The following VDAC1 variants were observed in gnomAD, a reference collection of about 807,000 sequenced individuals.
VDAC1 encodes the protein voltage dependent anion channel 1.
Under a neutral mutation model 34.7 loss-of-function variants are expected in VDAC1, and 10 were observed. The observed-to-expected ratio is 0.29, with a 90% CI of 0.18 to 0.49. The LOEUF is 0.49. Ranked by LOEUF, VDAC1 falls within the 20% of genes least tolerant of loss-of-function variation. VDAC1 has a pLI of 0.99. For missense variants in VDAC1, 230 were observed against 347.9 expected (o/e 0.66, Z 2.69); for synonymous variants, 130 against 136.0 (o/e 0.96, Z 0.30).
intron 5 of VDAC1, among the ~76,000 whole-genome samples, chr5:133,983,765 C>T (rs781190886): frequency 6.6e-6 from 1 of 152,116 alleles, no homozygotes; most frequent in Non-Finnish European, 1.5e-5. Flanking sequence ...CAGTGTTGGA[C>T]CTGCTGGGTG....
At chr5:134,021,816 C>T in the VDAC1 span, among the ~76,000 whole-genome samples, 1 of 151,938 alleles carries the variant, frequency 6.6e-6, no homozygotes, top group Non-Finnish European at 1.5e-5. Context: ...GGGGCTGGCA[C>T]CTGTATTTTT....
the VDAC1 span, among the ~76,000 whole-genome samples, chr5:134,050,035 G>A: frequency 6.6e-6 from 1 of 152,122 alleles, no homozygotes; most frequent in African/African-American, 2.4e-5. Flanking sequence ...CGGATCATGA[G>A]GTCAAGTGAT....
the VDAC1 span, among the ~76,000 whole-genome samples, chr5:134,067,295 G>A: frequency 6.6e-6 from 1 of 151,550 alleles, no homozygotes; most frequent in Non-Finnish European, 1.5e-5. Flanking sequence ...GGCTGGTCTT[G>A]AACTCTTGAC....
At chr5:134,042,642 C>T in the VDAC1 span, among the ~76,000 whole-genome samples, 1 of 152,164 alleles carries the variant, frequency 6.6e-6, no homozygotes, top group African/African-American at 2.4e-5. Context: ...TACAGGCATG[C>T]ACTACTGTGC....
the VDAC1 span, among the ~76,000 whole-genome samples, chr5:134,018,957 A>T: frequency 3.3e-5 from 5 of 152,130 alleles, no homozygotes; most frequent in Admixed American, 2.6e-4. Context: ...CACTCTCCAT[A>T]TGCCTCCATC....
chr5:134,011,625 T>C, the VDAC1 span, among the ~76,000 whole-genome samples: 4 of 149,502 alleles, frequency 2.7e-5, no homozygotes, highest in African/African-American at 9.8e-5. Flanking sequence ...ATCCCAAGAA[T>C]GTCATCACAA....
At chr5:134,071,260 AGCGGGGGCGGCGCCGT>A in the VDAC1 span, among the ~76,000 whole-genome samples, 2 of 152,224 alleles carry the variant, frequency 1.3e-5, no homozygotes, top group African/African-American at 4.8e-5. This position sits in a 1 kb window ranked among gnomAD's most constrained non-coding sequence, Gnocchi z 4.1. Flanking sequence ...GTGCGGACGC[AGCGGGGGCGGCGCCGT>A]GCGGGAGGGG....
At chr5:134,028,087 A>G in the VDAC1 span, among the ~76,000 whole-genome samples, 1 of 149,200 alleles carries the variant, frequency 6.7e-6, no homozygotes, top group Non-Finnish European at 1.5e-5. Context: ...AGGTATTTCT[A>G]TAGCATTTTA....
At position 133,992,150 on chromosome 5, in the gene VDAC1, C is replaced by T. The variant is rs891839556; in HGVS notation, c.117+156G>A. Among the ~76,000 whole-genome samples the T allele has an allele frequency of 9.2e-5, 14 of 152,182 alleles. No individual in the cohort carries two copies. The East Asian group carries it at 2.7e-3, about 29-fold the overall frequency. ...ACTCGGTAGGCTGAGGTAGGAGAAT[C>T]GCTTGAACCCAAGAAGTGGAGGTTG... On this transcript the variant is annotated intron_variant, in intron 3 of 8. Coordinates refer to ENST00000265333, the MANE Select transcript of VDAC1 (RefSeq NM_003374.3).
chr5:134,000,265 T>C (rs1753493638), intron 1 of VDAC1, among the ~76,000 whole-genome samples: 1 of 152,174 alleles, frequency 6.6e-6, no homozygotes, highest in Non-Finnish European at 1.5e-5. Flanking sequence ...AGCTGTTCTC[T>C]CCCTCCATTC....
At chr5:134,112,046 C>T in the VDAC1 span, among the ~76,000 whole-genome samples, 1 of 149,016 alleles carries the variant, frequency 6.7e-6, no homozygotes, top group Non-Finnish European at 1.5e-5. Flanking sequence ...GTTGTGTAGA[C>T]GATGGTGAAG....
intron 1 of VDAC1, among the ~76,000 whole-genome samples, chr5:133,996,807 T>C (rs1753332754): frequency 6.6e-6 from 1 of 152,188 alleles, no homozygotes; most frequent in African/African-American, 2.4e-5. Context: ...CTCATTACAA[T>C]GCAACCAGGA....
chr5:134,027,562 A>T, the VDAC1 span, among the ~76,000 whole-genome samples: 1 of 152,212 alleles, frequency 6.6e-6, no homozygotes, highest in East Asian at 1.9e-4. Context: ...GGACCAACTT[A>T]AACAAAGAAG....
intron 5 of VDAC1, among the ~76,000 whole-genome samples, chr5:133,981,912 G>C (rs180964917): frequency 3.5e-4 from 53 of 152,316 alleles, no homozygotes; most frequent in African/African-American, 1.2e-3. Flanking sequence ...ACACAGCACT[G>C]TTCACTTCTA....
chr5:134,010,181 A>G, the VDAC1 span, among the ~76,000 whole-genome samples: 1 of 152,166 alleles, frequency 6.6e-6, no homozygotes, highest in African/African-American at 2.4e-5. Flanking sequence ...TAAGACCATC[A>G]TTGTAAGTAT....
At chr5:134,039,506 T>G in the VDAC1 span, among the ~76,000 whole-genome samples, 4 of 89,098 alleles carry the variant, frequency 4.5e-5, no homozygotes, top group Non-Finnish European at 5.5e-5. Flanking sequence ...TTTTTTGTAT[T>G]TTTAGTAGAG....
chr5:134,084,609 C>T, the VDAC1 span, among the ~76,000 whole-genome samples: 1 of 152,266 alleles, frequency 6.6e-6, no homozygotes, highest in East Asian at 1.9e-4. Context: ...CTGTGGTTCC[C>T]ATGGCTAGCC....
the VDAC1 span, among the ~76,000 whole-genome samples, chr5:134,023,608 A>G: frequency 2.6e-5 from 4 of 152,150 alleles, no homozygotes; most frequent in Non-Finnish European, 5.9e-5. Context: ...CATTCAACAA[A>G]TATTTATTGA....
At chr5:134,102,341 C>G in the VDAC1 span, among the ~76,000 whole-genome samples, 1 of 151,796 alleles carries the variant, frequency 6.6e-6, no homozygotes, top group South Asian at 2.1e-4. Flanking sequence ...TCTACCCCCC[C>G]CACCCCAAAG....
Sources: allele counts gnomAD v4.1 joint callset (sites outside exome capture counted in the v4.1 genomes callset), GRCh38; gene constraint gnomAD v4.1.1; non-coding constraint Gnocchi (gnomAD v3.1); transcripts MANE v1.5; gene names NCBI Gene and HGNC (gene_info 2026-07-23, HGNC 2026-07-21).